CALD1: variants seen among roughly 807,000 people sequenced by gnomAD.
CALD1 encodes the protein caldesmon.
A neutral mutation model predicts 99.9 loss-of-function variants in CALD1; 33 were observed. That is an observed-to-expected ratio of 0.33 (90% CI 0.25 to 0.44). CALD1 has a LOEUF of 0.44. CALD1 is among the 20% of genes least tolerant of loss of function. The pLI is 1.00. For missense variants in CALD1, 861 were observed against 962.1 expected (o/e 0.89, Z 1.39); for synonymous variants, 310 against 325.0 (o/e 0.95, Z 0.50).
chr7:134,771,170 C>G (rs1310135899), intron 1 of CALD1, among the ~76,000 whole-genome samples: 1 of 152,128 alleles, frequency 6.6e-6, no homozygotes, highest in Non-Finnish European at 1.5e-5. Flanking sequence ...TCTGCACTCC[C>G]TCAGGTAACT....
At chr7:134,821,546 T>C (rs1418497956) in intron 1 of CALD1, among the ~76,000 whole-genome samples, 1 of 151,910 alleles carries the variant, frequency 6.6e-6, no homozygotes, top group Non-Finnish European at 1.5e-5. Context: ...ATGTTCTTTA[T>C]ACTTTTTTGG....
Position 134,933,167 on chromosome 7 carries a change from C to T in CALD1, c.398C>T (p.Pro133Leu). The stretch of plus-strand genomic sequence containing the variant: ...ATAACAGATGCAAGTCTGTCGCTCC[C>T]AAGCAGAAGAATGCAAAATGACACA... ...PTITDASLSL[P>L]SRRMQNDTAE... Residue 133 changes from proline to leucine, a missense_variant, in exon 5 of 15, where the codon CCA becomes CTA. Physicochemically the swap from Pro to Leu is moderately conservative, Grantham distance 98. Coordinates refer to ENST00000361675, the MANE Select transcript of CALD1 (RefSeq NM_033138.4). 3 of 1,612,730 alleles carry T rather than the reference C, an allele frequency of 1.9e-6. No homozygotes were observed. Among genetic ancestry groups the T allele is most frequent in the Non-Finnish European group, 2.5e-6 (3 of 1,179,710 alleles).
intron 8 of CALD1, among the ~76,000 whole-genome samples, chr7:134,949,403 C>T (rs138379584): frequency 2.7e-4 from 41 of 152,210 alleles, no homozygotes; most frequent in African/African-American, 9.6e-4. Context: ...AGTTGTGCAA[C>T]TTGATCAGAG....
In CALD1 at chr7:134,833,645, A is replaced by C. The variant is rs150562623; in HGVS notation, c.-129-10239A>C. Among the ~76,000 whole-genome samples the C allele has an allele frequency of 8.1e-3, 1,233 of 152,340 alleles. 13 individuals carry two copies. Among genetic ancestry groups the C allele is most frequent in the African/African-American group, 0.027 (1,129 of 41,576 alleles). On this transcript the variant is annotated intron_variant, in intron 1 of 14. Transcript: ENST00000361675. ...TTCTGGAGACCTCACTTATTTATTC[A>C]CTTAACACACATTTATTGAGAAACT...
intron 1 of CALD1, among the ~76,000 whole-genome samples, chr7:134,825,317 A>C (rs1449004028): frequency 6.6e-6 from 1 of 152,182 alleles, no homozygotes; most frequent in Admixed American, 6.6e-5. Flanking sequence ...GTCTCATTCC[A>C]GGGCAGAGTT....
At chr7:134,789,283 C>T (rs1302798989) in intron 1 of CALD1, among the ~76,000 whole-genome samples, 1 of 152,172 alleles carries the variant, frequency 6.6e-6, no homozygotes, top group Non-Finnish European at 1.5e-5. Context: ...GGTCCCACAG[C>T]TAGTAAGTAG....
chr7:134,821,774 G>A (rs1798793009), intron 1 of CALD1, among the ~76,000 whole-genome samples: 1 of 151,666 alleles, frequency 6.6e-6, no homozygotes, highest in Non-Finnish European at 1.5e-5. Flanking sequence ...GTAGAGATGG[G>A]GTTTCACCAT....
intron 2 of CALD1, among the ~76,000 whole-genome samples, chr7:134,855,621 C>T (rs952125628): frequency 2.2e-4 from 34 of 152,218 alleles, no homozygotes; most frequent in Non-Finnish European, 4.6e-4. Context: ...GTAATATATA[C>T]TTTTGGTAGG....
the CALD1 span, among the ~76,000 whole-genome samples, chr7:134,719,801 G>C: frequency 6.6e-6 from 1 of 152,180 alleles, no homozygotes; most frequent in Non-Finnish European, 1.5e-5. Context: ...AGTCTTAAGG[G>C]AATGAATTTT....
intron 3 of CALD1, among the ~76,000 whole-genome samples, chr7:134,875,916 T>C (rs1281353560): frequency 6.6e-6 from 1 of 152,222 alleles, no homozygotes; most frequent in Non-Finnish European, 1.5e-5. Flanking sequence ...CAAAGAAGGC[T>C]GTTGATATGA....
chr7:134,773,286 T>G (rs1482432264), intron 1 of CALD1, among the ~76,000 whole-genome samples: 1 of 152,010 alleles, frequency 6.6e-6, no homozygotes, highest in East Asian at 1.9e-4. Context: ...CTTTTTTTTT[T>G]TTTTTCAGGA....
chr7:134,918,676 G>A (rs529099079), intron 3 of CALD1, among the ~76,000 whole-genome samples: 1 of 152,180 alleles, frequency 6.6e-6, no homozygotes, highest in African/African-American at 2.4e-5. Flanking sequence ...TAGGCACATG[G>A]TTGTGTGTCT....
chr7:134,836,143 C>CAA (rs377048601), intron 1 of CALD1, among the ~76,000 whole-genome samples: 90 of 67,898 alleles, frequency 1.3e-3, no homozygotes, highest in African/African-American at 1.6e-3. Context: ...GACTTCATCT[C>CAA]AAAAAAAAAA....
At chr7:134,922,881 G>A (rs1804719423) in intron 3 of CALD1, among the ~76,000 whole-genome samples, 3 of 152,184 alleles carry the variant, frequency 2.0e-5, no homozygotes, top group South Asian at 4.1e-4. Flanking sequence ...TATCTTCAGT[G>A]TAAAAGCCAC....
At chr7:134,939,635 A>G (rs1806270825) in intron 6 of CALD1, among the ~76,000 whole-genome samples, 1 of 152,218 alleles carries the variant, frequency 6.6e-6, no homozygotes, top group Admixed American at 6.5e-5. Flanking sequence ...AAACTTATCA[A>G]TAAAGAGCAA....
At chr7:134,852,552 C>A (rs1800126484) in intron 2 of CALD1, among the ~76,000 whole-genome samples, 1 of 152,094 alleles carries the variant, frequency 6.6e-6, no homozygotes. Flanking sequence ...ATTTATTCCC[C>A]AAAACAAGAG....
intron 3 of CALD1, among the ~76,000 whole-genome samples, chr7:134,926,815 T>C (rs1166369468): frequency 6.6e-6 from 1 of 152,210 alleles, no homozygotes; most frequent in Non-Finnish European, 1.5e-5. Flanking sequence ...TCTAGAGAAG[T>C]ACCATGCAAC....
chr7:134,969,832 T>A lies in CALD1; in HGVS notation c.*1487T>A, dbSNP rs1476456003. On this transcript the variant is annotated 3_prime_UTR_variant, in exon 15 of 15. Transcript: ENST00000361675. ...ATAATGAAAGAGTCCTCCAGTGTCT[T>A]GGCAAAATGTTCTAGTATAGCTGGA... The A allele has an allele frequency of 1.3e-5, 2 of 152,670 alleles. No individual in the cohort carries two copies. The highest frequency in any genetic ancestry group is 4.8e-5 in the African/African-American group (2 of 41,468). 9.5% of individuals were successfully genotyped at this position (152,670 alleles called of 1,614,324 possible).
At chr7:134,712,914 G>A in the CALD1 span, among the ~76,000 whole-genome samples, 1 of 152,206 alleles carries the variant, frequency 6.6e-6, no homozygotes, top group Non-Finnish European at 1.5e-5. Context: ...AACTTTATGT[G>A]TTTTATAATT....
Sources: gnomAD v4.1 joint callset for allele counts (sites outside exome capture counted in the v4.1 genomes callset) on GRCh38, gnomAD v4.1.1 for gene constraint, MANE v1.5 for transcripts, NCBI Gene and HGNC (gene_info 2026-07-23, HGNC 2026-07-21) for gene names.